Variants in CTNNA2 observed in about 807,000 individuals in gnomAD.
CTNNA2 encodes catenin alpha 2, also known as catenin alpha-2.
In CTNNA2, 42 loss-of-function variants were observed where a neutral mutation model predicts 101.0. The observed-to-expected ratio is 0.42, with a 90% CI of 0.32 to 0.54. CTNNA2 has a LOEUF of 0.54. Among genes scored for constraint, CTNNA2 ranks in the 20% least tolerant of loss-of-function variants. The pLI is 0.14. For missense variants in CTNNA2, 871 were observed against 1,223.1 expected (o/e 0.71, Z 4.29); for synonymous variants, 450 against 456.4 (o/e 0.99, Z 0.18).
chr2:79,907,560 G>A (rs988938113), intron 6 of CTNNA2, among the ~76,000 whole-genome samples: 1 of 152,026 alleles, frequency 6.6e-6, no homozygotes, highest in Non-Finnish European at 1.5e-5. Flanking sequence ...ACCCTATAGG[G>A]CCATCCACTG....
intron 4 of CTNNA2, among the ~76,000 whole-genome samples, chr2:79,485,846 C>G (rs562649271): frequency 6.6e-6 from 1 of 152,118 alleles, no homozygotes; most frequent in South Asian, 2.1e-4. Flanking sequence ...ATGCATAGTC[C>G]TCTTTTCCTA....
intron 2 of CTNNA2, among the ~76,000 whole-genome samples, chr2:79,257,007 G>A (rs1541952): frequency 0.57 from 85,961 of 151,994 alleles, 24,966 homozygotes; most frequent in East Asian, 0.65. Flanking sequence ...ATGGAATAAG[G>A]TGAGGTTCTG....
At chr2:80,182,314 G>T (rs936362974) in intron 7 of CTNNA2, among the ~76,000 whole-genome samples, 1 of 152,264 alleles carries the variant, frequency 6.6e-6, no homozygotes, top group South Asian at 2.1e-4. Flanking sequence ...AAAGATGGAG[G>T]CCAGAAGACT....
intron 7 of CTNNA2, among the ~76,000 whole-genome samples, chr2:80,000,949 T>A (rs923674083): frequency 6.6e-6 from 1 of 152,220 alleles, no homozygotes; most frequent in African/African-American, 2.4e-5. Context: ...GTGAGCAGGC[T>A]GACCTCCTAG....
Position 80,584,131 on chromosome 2 carries a change from A to C in CTNNA2, c.2007+2312A>C, listed in dbSNP as rs557993273. On this transcript the variant is annotated intron_variant, in intron 14 of 18. Transcript: ENST00000402739. ...ATAGATGGTCAGACTTTTGACCAGC[A>C]AAGTGTGCTAAGTTGGTCCAAATTT... Among the ~76,000 whole-genome samples the C allele has an allele frequency of 4.6e-5, 7 of 152,288 alleles. No individual in the cohort carries two copies. In the South Asian group the frequency reaches 1.5e-3, roughly 32 times the overall value.
chr2:80,643,362 G>T (rs1673698363), intron 18 of CTNNA2, among the ~76,000 whole-genome samples: 1 of 152,116 alleles, frequency 6.6e-6, no homozygotes, highest in South Asian at 2.1e-4. Flanking sequence ...GTCTCAATTG[G>T]TCAAGCCTTG....
intron 4 of CTNNA2, among the ~76,000 whole-genome samples, chr2:79,445,370 T>C (rs1467181734): frequency 1.3e-5 from 2 of 152,170 alleles, no homozygotes; most frequent in East Asian, 3.8e-4. Flanking sequence ...TGATATTGAT[T>C]TGTTACATGG....
intron 4 of CTNNA2, among the ~76,000 whole-genome samples, chr2:79,387,296 CTCTTTTTGTCTCTCCAGA>C: frequency 6.6e-6 from 1 of 152,264 alleles, no homozygotes; most frequent in South Asian, 2.1e-4. Context: ...GAAATTCATT[CTCTTTTTGTCTCTCCAGA>C]TCTTGTTAAT....
chr2:79,497,112 A>T (rs1012264139), intron 4 of CTNNA2, among the ~76,000 whole-genome samples: 1 of 152,220 alleles, frequency 6.6e-6, no homozygotes, highest in Non-Finnish European at 1.5e-5. Flanking sequence ...ATCTGGATCC[A>T]ACGTGTACCA....
intron 2 of CTNNA2, among the ~76,000 whole-genome samples, chr2:79,258,827 C>T (rs555020649): frequency 1.7e-5 from 2 of 119,882 alleles, no homozygotes; most frequent in African/African-American, 3.4e-5. Flanking sequence ...TCCATGAAGC[C>T]AAGGCCAAAT....
At position 80,429,505 on chromosome 2, in the gene CTNNA2, A is replaced by G. The variant is rs72914940; in HGVS notation, c.1290+9904A>G. On this transcript the variant is annotated intron_variant, in intron 9 of 18. Coordinates refer to ENST00000402739, the MANE Select transcript of CTNNA2 (RefSeq NM_001282597.3). Reference sequence around the variant, plus strand: ...CTTATTCAAGGTATCTGTACAGCCTAAAGTCTGATCCTTCATGTAATTATT... The same window carrying G: ...CTTATTCAAGGTATCTGTACAGCCTGAAGTCTGATCCTTCATGTAATTATT... 2.6e-3 allele frequency among the ~76,000 whole-genome samples: 397 copies of G among 152,316 alleles called. 2 individuals are homozygous for G. The highest frequency in any genetic ancestry group is 9.2e-3 in the African/African-American group (384 of 41,572).
intron 7 of CTNNA2, among the ~76,000 whole-genome samples, chr2:80,134,625 A>G (rs1702594193): frequency 6.6e-6 from 1 of 152,168 alleles, no homozygotes; most frequent in Non-Finnish European, 1.5e-5. Context: ...GCGCCATGCC[A>G]TTCATGAGGC....
At chr2:79,718,020 G>A (rs1298696375) in intron 2 of CTNNA2, among the ~76,000 whole-genome samples, 1 of 152,036 alleles carries the variant, frequency 6.6e-6, no homozygotes, top group African/African-American at 2.4e-5. Flanking sequence ...ACCTCTTGAA[G>A]ACCATATGGC....
chr2:80,267,292 C>T (rs1673074327), intron 7 of CTNNA2, among the ~76,000 whole-genome samples: 1 of 152,024 alleles, frequency 6.6e-6, no homozygotes, highest in African/African-American at 2.4e-5. Flanking sequence ...CTATGAACAG[C>T]ATTCAGAGAA....
At chr2:80,146,767 C>T (rs1241561069) in intron 7 of CTNNA2, among the ~76,000 whole-genome samples, 4 of 123,036 alleles carry the variant, frequency 3.3e-5, no homozygotes, top group Non-Finnish European at 6.5e-5. Flanking sequence ...CTCTGTCACC[C>T]AGGCTGGACT....
intron 8 of CTNNA2, among the ~76,000 whole-genome samples, chr2:80,416,584 T>A (rs535642527): frequency 1.3e-4 from 20 of 152,230 alleles, no homozygotes; most frequent in African/African-American, 4.6e-4. Context: ...ACTTCCCCTA[T>A]AATTAAAATT....
intron 1 of CTNNA2, among the ~76,000 whole-genome samples, chr2:79,585,011 C>A (rs1309582165): frequency 6.6e-6 from 1 of 152,154 alleles, no homozygotes; most frequent in African/African-American, 2.4e-5. Flanking sequence ...TTTTTCCTAT[C>A]TTTTTGAGTC....
intron 4 of CTNNA2, among the ~76,000 whole-genome samples, chr2:79,863,428 A>G (rs1168637979): frequency 2.0e-5 from 3 of 152,024 alleles, no homozygotes; most frequent in Non-Finnish European, 4.4e-5. Context: ...CTCTCCTCGA[A>G]CCTATCGCTG....
chr2:79,956,335 T>C (rs1001815982), intron 7 of CTNNA2, among the ~76,000 whole-genome samples: 5 of 152,152 alleles, frequency 3.3e-5, no homozygotes, highest in African/African-American at 1.2e-4. Context: ...AGAATACTTA[T>C]GAATTTTGCG....
Sources: gnomAD v4.1 joint callset for allele counts (sites outside exome capture counted in the v4.1 genomes callset) on GRCh38, gnomAD v4.1.1 for gene constraint, MANE v1.5 for transcripts, NCBI Gene and HGNC (gene_info 2026-07-23, HGNC 2026-07-21) for gene names.